MARS1: variants seen among roughly 807,000 people sequenced by gnomAD.
The protein encoded by MARS1 is methionyl-tRNA synthetase 1.
In MARS1, 80 loss-of-function variants were observed where a neutral mutation model predicts 119.5. The observed-to-expected ratio is 0.67, with a 90% CI of 0.56 to 0.81. The LOEUF is 0.81. Among genes scored for constraint, MARS1 ranks in the 30% least tolerant of loss-of-function variants. MARS1 has a pLI of 0.00. For missense variants in MARS1, 945 were observed against 1,116.5 expected (o/e 0.85, Z 2.19); for synonymous variants, 418 against 433.4 (o/e 0.96, Z 0.44).
intron 9 of MARS1, 104 bp downstream of exon 9, chr12:57,498,727 C>T: frequency 9.6e-7 from 1 of 1,046,880 alleles, no homozygotes. Flanking sequence ...TCTGGGCACT[C>T]CTAAACTTAG....
At chr12:57,497,057 AT>A (rs899253341) in intron 7 of MARS1, among the ~76,000 whole-genome samples, 65 of 152,212 alleles carry the variant, frequency 4.3e-4, no homozygotes, top group African/African-American at 1.5e-3. Context: ...AAGCACACTC[AT>A]TCTGAGAGAT....
rs1383125542 is a variant in MARS1, at chr12:57,515,942, T to C, written c.2414T>C (p.Leu805Ser). 1.2e-6 allele frequency: 2 copies of C among 1,613,920 alleles called. No individual in the cohort carries two copies. The highest frequency in any genetic ancestry group is 1.7e-5 in the Admixed American group (1 of 59,984). ...IGTVSPLFQK[L>S]ENDQIESLRQ... ...CAGGTCAGTCCCTTGTTCCAAAAAT[T>C]GGAAAATGACCAGATTGAAAGTTTA... The change falls in exon 19 of 21, where the codon TTG becomes TCG. Residue 805 changes from leucine (L) to serine (S), a missense_variant. Transcript: ENST00000262027.
At chr12:57,491,963 A>C (rs1297238625) in intron 7 of MARS1, among the ~76,000 whole-genome samples, 1 of 152,192 alleles carries the variant, frequency 6.6e-6, no homozygotes, top group African/African-American at 2.4e-5. Flanking sequence ...AAAAACTGTC[A>C]CACAAATGTA....
intron 7 of MARS1, among the ~76,000 whole-genome samples, chr12:57,495,228 TTCC>T (rs1424045309): frequency 6.9e-6 from 1 of 145,476 alleles, no homozygotes; most frequent in African/African-American, 2.6e-5. Flanking sequence ...GCCCCCCACC[TTCC>T]TCCCGGACGG....
intron 11 of MARS1, among the ~76,000 whole-genome samples, chr12:57,508,384 T>C (rs1012248044): frequency 1.3e-5 from 2 of 152,088 alleles, no homozygotes; most frequent in Non-Finnish European, 2.9e-5. Flanking sequence ...GAGCACTGAG[T>C]GAACGAGACT....
chr12:57,511,599 T>C, intron 11 of MARS1, 99 bp from the exon 12 acceptor site: 2 of 1,318,856 alleles, frequency 1.5e-6, no homozygotes, highest in South Asian at 1.3e-5. Context: ...AAAAGTTATA[T>C]ATTGCCAAAT....
At position 57,489,113 on chromosome 12, in the gene MARS1, A is replaced by T. The variant is rs774241581; in HGVS notation, c.200+4A>T. 1.2e-6 allele frequency: 2 copies of T among 1,613,818 alleles called. No homozygotes were observed. Among genetic ancestry groups the T allele is most frequent in the Non-Finnish European group, 1.7e-6 (2 of 1,179,810 alleles). ...TCTCCACTAGTGCAATCTGCCGGTC[A>T]GTATTGGTCCTTGGTGTAGGGAGGT... On this transcript the variant is annotated splice_donor_region_variant and intron_variant, in intron 2 of 20. Transcript: ENST00000262027.
At chr12:57,493,355 T>C (rs1422519504) in intron 7 of MARS1, among the ~76,000 whole-genome samples, 2 of 74,170 alleles carry the variant, frequency 2.7e-5, no homozygotes, top group South Asian at 3.3e-4. Flanking sequence ...TAATATATAT[T>C]ATATGATATG....
In MARS1 at chr12:57,498,391, C is replaced by A. The variant is rs114852246; in HGVS notation, c.888-29C>A. On this transcript the variant is annotated intron_variant, in intron 8 of 20. Transcript: ENST00000262027. ...GGACAAGGAAGCGCTGAAGCGGGGC[C>A]CCCTAGCGATCACCATATTCCCTTG... 5,299 of 1,609,104 alleles carry A rather than the reference C, an allele frequency of 3.3e-3. 153 individuals are homozygous for A. The African/African-American group carries it at 0.063, about 19-fold the overall frequency.
chr12:57,494,830 T>G (rs888711811), intron 7 of MARS1, among the ~76,000 whole-genome samples: 2 of 152,082 alleles, frequency 1.3e-5, no homozygotes, highest in African/African-American at 4.8e-5. Context: ...GGGGGTAAGG[T>G]CATAGATCAA....
rs58931225 is a variant in MARS1, at chr12:57,492,669, TCACACACACACACACACACA to T, written c.770+2052_770+2071del. ...CTGGGCAACAGAGCGCGACTCCATT[TCACACACACACACACACACA>T]CACACACACACACACACACACACAC... On this transcript the variant is annotated intron_variant, in intron 7 of 20. Transcript: ENST00000262027. Among the ~76,000 whole-genome samples, 19 of 139,550 alleles carry T rather than the reference TCACACACACACACACACACA, an allele frequency of 1.4e-4. No individual in the cohort carries two copies. The East Asian group carries it at 1.7e-3, about 12-fold the overall frequency. The allele number at this position is 139,550 out of a possible 152,430, so 91.6% of individuals were successfully genotyped here.
chr12:57,495,577 C>G (rs1314702704), intron 7 of MARS1, among the ~76,000 whole-genome samples: 2 of 152,044 alleles, frequency 1.3e-5, no homozygotes, highest in African/African-American at 4.8e-5. Context: ...GGCTGAGACG[C>G]TCCTCACTTC....
Position 57,493,905 on chromosome 12 carries a change from AAT to A in MARS1, c.770+3269_770+3270del, listed in dbSNP as rs1218514080. 4.6e-3 allele frequency among the ~76,000 whole-genome samples: 283 copies of A among 61,574 alleles called. 13 individuals carry two copies. Among genetic ancestry groups the A allele is most frequent in the African/African-American group, 0.016 (223 of 13,804 alleles). 40.4% of individuals were successfully genotyped at this position (61,574 alleles called of 152,430 possible). On this transcript the variant is annotated intron_variant, in intron 7 of 20. Coordinates refer to ENST00000262027, the MANE Select transcript of MARS1 (RefSeq NM_004990.4). Reference sequence around the variant, plus strand: ...TATATAATATATATTTATGTTATATAATATATATAATATATATAATATATATT... The same window carrying A: ...TATATAATATATATTTATGTTATATAATATATAATATATATAATATATATT...
chr12:57,490,455 T>C, intron 6 of MARS1, 76 bp downstream of exon 6: 1 of 1,609,642 alleles, frequency 6.2e-7, no homozygotes, highest in Non-Finnish European at 8.5e-7. Flanking sequence ...GGCCACTAAC[T>C]TTTTCAGGTA....
chr12:57,499,099 C>G (rs1483590793), intron 9 of MARS1, among the ~76,000 whole-genome samples: 1 of 150,244 alleles, frequency 6.7e-6, no homozygotes, highest in African/African-American at 2.5e-5. Context: ...GCCTGACCAA[C>G]ATGGAGAAAC....
At chr12:57,511,554 G>A (rs1877515016) in intron 11 of MARS1, 144 bp from the exon 12 acceptor site, 1 of 763,628 alleles carries the variant, frequency 1.3e-6, no homozygotes, top group Admixed American at 2.5e-5. Context: ...CTGCACTCTA[G>A]TCTGGGCAAC....
chr12:57,503,599 C>T (rs1351264445), intron 10 of MARS1, among the ~76,000 whole-genome samples: 1 of 150,662 alleles, frequency 6.6e-6, no homozygotes, highest in Non-Finnish European at 1.5e-5. Flanking sequence ...GCCTGGCGTG[C>T]GGTGGCATGA....
rs752840493 is a variant in MARS1 at position 57,511,839 on chromosome 12, C to T, written c.1510C>T (p.Pro504Ser). Residue 504 changes from proline to serine, a missense_variant, in exon 12 of 21, where the codon CCT becomes TCT. Physicochemically the swap from Pro to Ser is moderately conservative, Grantham distance 74. Transcript: ENST00000262027. Reference protein sequence around the residue: ...CITRDLKWGTPVPLEGFEDKV... With the variant: ...CITRDLKWGTSVPLEGFEDKV... ...AACCCGAGACCTCAAATGGGGAACC[C>T]CTGTACCCTTAGAAGGTTTTGAAGA... 3 of 1,614,000 alleles carry T rather than the reference C, an allele frequency of 1.9e-6. No individual in the cohort carries two copies. The highest frequency in any genetic ancestry group is 1.7e-5 in the Admixed American group (1 of 59,992).
intron 10 of MARS1, among the ~76,000 whole-genome samples, chr12:57,502,743 AC>A (rs1565645959): frequency 6.9e-6 from 1 of 144,138 alleles, no homozygotes; most frequent in Admixed American, 7.0e-5. Flanking sequence ...CAAAAAAAAA[AC>A]AAGCCAGGCA....
Sources: allele counts gnomAD v4.1 joint callset (sites outside exome capture counted in the v4.1 genomes callset), GRCh38; gene constraint gnomAD v4.1.1; transcripts MANE v1.5; gene names NCBI Gene and HGNC (gene_info 2026-07-23, HGNC 2026-07-21).